The following ARHGEF1 variants were observed in gnomAD, a reference collection of about 807,000 sequenced individuals.
The protein encoded by ARHGEF1 is Rho guanine nucleotide exchange factor 1.
In ARHGEF1, 40 loss-of-function variants were observed where a neutral mutation model predicts 119.7. The observed-to-expected ratio is 0.33, with a 90% confidence interval of 0.26 to 0.44. The LOEUF is 0.44. Ranked by LOEUF, ARHGEF1 falls within the 20% of genes least tolerant of loss-of-function variation. ARHGEF1 has a pLI of 1.00. For missense variants in ARHGEF1, 976 were observed against 1,268.3 expected (o/e 0.77, Z 3.50); for synonymous variants, 494 against 521.0 (o/e 0.95, Z 0.71).
chr19:41,884,401 C>T, intron 1 of ARHGEF1: 8 of 1,591,140 alleles, frequency 5.0e-6, no homozygotes, highest in Non-Finnish European at 4.3e-6. Flanking sequence ...GCGGCTAGAG[C>T]GACGCGGCGG....
chr19:41,903,980 C>A lies in ARHGEF1; in HGVS notation c.1918-55C>A, dbSNP rs1441915740. ...ACTGCCCTGCCCTTCCCCTCCCCACCAACCCCAATCACCCCCTGCCAACCT... is the reference window on the plus strand; with the variant it reads ...ACTGCCCTGCCCTTCCCCTCCCCACAAACCCCAATCACCCCCTGCCAACCT... On this transcript the variant is annotated intron_variant, in intron 20 of 28. Transcript: ENST00000354532. The surrounding 1 kb of genome is among the most constrained non-coding windows in gnomAD (Gnocchi z 4.2). 8 of 1,555,454 alleles carry A rather than the reference C, an allele frequency of 5.1e-6. No individual in the cohort carries two copies. The highest frequency in any genetic ancestry group is 7.1e-6 in the Non-Finnish European group (8 of 1,128,468).
rs191452705 is a variant in ARHGEF1 at position 41,904,797 on chromosome 19, G to T, written c.2162-152G>T. On this transcript the variant is annotated intron_variant, in intron 22 of 28. Transcript: ENST00000354532. The surrounding 1 kb of genome is among the most constrained non-coding windows in gnomAD (Gnocchi z 8.4). Reference sequence around the variant, plus strand: ...GGTGGGGCTCAGGAGGACACATCGGGCCCTGGATATTAGCAGACAGTGAGT... The same window carrying T: ...GGTGGGGCTCAGGAGGACACATCGGTCCCTGGATATTAGCAGACAGTGAGT... The T allele has an allele frequency of 1.7e-4, 117 of 670,552 alleles. No homozygotes were observed. In the African/African-American group the frequency reaches 2.1e-3, roughly 12 times the overall value. The allele number at this position is 670,552 out of a possible 1,614,324, so 41.5% of individuals were successfully genotyped here.
chr19:41,895,323 CT>C, intron 11 of ARHGEF1, 25 bp from the exon 12 acceptor site: 8 of 1,588,668 alleles, frequency 5.0e-6, no homozygotes, highest in Non-Finnish European at 6.9e-6. Flanking sequence ...TCTTATCTCC[CT>C]CTTTCTCCCT....
intron 1 of ARHGEF1, among the ~76,000 whole-genome samples, chr19:41,886,263 T>A (rs2074292639): frequency 6.6e-6 from 1 of 152,152 alleles, no homozygotes; most frequent in Admixed American, 6.5e-5. Context: ...TTGTGTCAGC[T>A]GTCATTTCAT....
chr19:41,896,714 T>C, intron 13 of ARHGEF1: 1 of 679,574 alleles, frequency 1.5e-6, no homozygotes, highest in South Asian at 1.5e-5. Flanking sequence ...CTCTGCTCCT[T>C]CCTCTCCTTC....
chr19:41,921,850 C>G (rs997121086), upstream of ARHGEF1, among the ~76,000 whole-genome samples: 1 of 151,868 alleles, frequency 6.6e-6, no homozygotes, highest in Non-Finnish European at 1.5e-5. This position sits in a 1 kb window ranked among gnomAD's most constrained non-coding sequence, Gnocchi z 4.4. Context: ...GGGAGTCCGA[C>G]CCATCCCAGC....
intron 1 of ARHGEF1, among the ~76,000 whole-genome samples, chr19:41,884,713 C>T (rs895974734): frequency 2.0e-5 from 3 of 152,134 alleles, no homozygotes; most frequent in Non-Finnish European, 2.9e-5. Flanking sequence ...GAACTGGCTT[C>T]TTATAGACGT....
At chr19:41,923,074 G>A (rs1353563301), upstream of ARHGEF1, 6 of 450,524 alleles carry the variant, frequency 1.3e-5, no homozygotes, top group African/African-American at 4.0e-5. Context: ...TCTGACCCAG[G>A]CCTTTTGCTT....
rs1555850458 is a variant in ARHGEF1, at chr19:41,907,145, G to A, written c.*58G>A. 6.5e-7 allele frequency: 1 copy of A among 1,531,518 alleles called. No homozygotes were observed. The highest frequency in any genetic ancestry group is 8.7e-7 in the Non-Finnish European group (1 of 1,144,822). The allele number at this position is 1,531,518 out of a possible 1,614,324, so 94.9% of individuals were successfully genotyped here. On this transcript the variant is annotated 3_prime_UTR_variant, in exon 29 of 29. Coordinates refer to ENST00000354532, the MANE Select transcript of ARHGEF1 (RefSeq NM_004706.4). ...GAGAGGAATGGGGGAGAGGACGTGA[G>A]GGACCACCCCCACCCACACAGCTGC...
Position 41,906,084 on chromosome 19 carries a change from C to A in ARHGEF1, c.2491+59C>A. ...AGCCCAAACAGTGCCTCTGTTCCAA[C>A]TAGAACAAGGCTCTCCACGTCAAAA... On this transcript the variant is annotated intron_variant, in intron 26 of 28. Coordinates refer to ENST00000354532, the MANE Select transcript of ARHGEF1 (RefSeq NM_004706.4). The surrounding 1 kb of genome is among the most constrained non-coding windows in gnomAD (Gnocchi z 4.5). The A allele has an allele frequency of 6.7e-7, 1 of 1,491,064 alleles. No individual in the cohort carries two copies. Among genetic ancestry groups the A allele is most frequent in the Non-Finnish European group, 9.3e-7 (1 of 1,073,460 alleles). 92.4% of individuals were successfully genotyped at this position (1,491,064 alleles called of 1,614,324 possible).
intron 18 of ARHGEF1, among the ~76,000 whole-genome samples, chr19:41,915,901 G>A (rs969377090): frequency 2.6e-5 from 4 of 152,164 alleles, no homozygotes; most frequent in Non-Finnish European, 5.9e-5. Flanking sequence ...CAGCCCCAGT[G>A]GCTGTGGATG....
At chr19:41,926,625 G>A (rs2074871960) in intron 1 of ARHGEF1, among the ~76,000 whole-genome samples, 1 of 152,134 alleles carries the variant, frequency 6.6e-6, no homozygotes, top group South Asian at 2.1e-4. Context: ...TGGGCTAGGC[G>A]AGGCCTGGCC....
intron 18 of ARHGEF1, among the ~76,000 whole-genome samples, chr19:41,915,801 G>C: frequency 6.6e-6 from 1 of 152,110 alleles, no homozygotes; most frequent in Non-Finnish European, 1.5e-5. Context: ...ATCGCTGATC[G>C]ACTGATGGAG....
intron 18 of ARHGEF1, among the ~76,000 whole-genome samples, chr19:41,918,065 TGTG>T (rs1451531022): frequency 6.6e-6 from 1 of 151,838 alleles, no homozygotes; most frequent in Admixed American, 6.6e-5. Flanking sequence ...TCAGGGGTGA[TGTG>T]GGGTTTCCTG....
chr19:41,904,834 C>A lies in ARHGEF1; in HGVS notation c.2162-115C>A. Reference sequence around the variant, plus strand: ...AGCAGACAGTGAGTGGTGAGTTGAGCCATGGGAGCCCTGAGAGCGCCACCA... The same window carrying A: ...AGCAGACAGTGAGTGGTGAGTTGAGACATGGGAGCCCTGAGAGCGCCACCA... On this transcript the variant is annotated intron_variant, in intron 22 of 28. Coordinates refer to ENST00000354532, the MANE Select transcript of ARHGEF1 (RefSeq NM_004706.4). The surrounding 1 kb of genome is among the most constrained non-coding windows in gnomAD (Gnocchi z 8.4). 2 of 832,602 alleles carry A rather than the reference C, an allele frequency of 2.4e-6. No individual in the cohort carries two copies. Among genetic ancestry groups the A allele is most frequent in the Non-Finnish European group, 4.0e-6 (2 of 497,592 alleles). 51.6% of individuals were successfully genotyped at this position (832,602 alleles called of 1,614,324 possible).
chr19:41,909,509 G>T (rs1342885466), downstream of ARHGEF1: 3 of 1,247,762 alleles, frequency 2.4e-6, no homozygotes, highest in South Asian at 3.6e-5. The surrounding 1 kb of genome is among the most constrained non-coding windows in gnomAD (Gnocchi z 5.2). Flanking sequence ...GGTGCAGGGG[G>T]AGCCCTGGGG....
chr19:41,918,658 A>C (rs2074818717), upstream of ARHGEF1, among the ~76,000 whole-genome samples: 1 of 146,530 alleles, frequency 6.8e-6, no homozygotes, highest in African/African-American at 2.6e-5. Context: ...CACAGTACAT[A>C]CACTACCCAT....
At chr19:41,914,541 C>CGTCTTTCCCTCCCCTTCCACCATCTCT (rs2074775309) in intron 18 of ARHGEF1, among the ~76,000 whole-genome samples, 1 of 139,904 alleles carries the variant, frequency 7.1e-6, no homozygotes, top group Non-Finnish European at 1.5e-5. Context: ...CTCTGCTATC[C>CGTCTTTCCCTCCCCTTCCACCATCTCT]GTCTTTCCCT....
chr19:41,903,159 C>A lies in ARHGEF1; in HGVS notation c.1739-148C>A. On this transcript the variant is annotated intron_variant, in intron 18 of 28. Transcript: ENST00000354532. The surrounding 1 kb of genome is among the most constrained non-coding windows in gnomAD (Gnocchi z 4.2). ...CTGGCTTTGAACTCCTGGTCTCAAG[C>A]TATCCTCCCGCCTCAGCCTCCCAAA... 1 of 710,084 alleles carries A rather than the reference C, an allele frequency of 1.4e-6. No homozygotes were observed. The allele number at this position is 710,084 out of a possible 1,614,324, so 44.0% of individuals were successfully genotyped here. A position where few individuals can be genotyped will look rare whatever the true frequency, so the allele number is the denominator to read the frequency against.
Sources: gnomAD v4.1 joint callset for allele counts (sites outside exome capture counted in the v4.1 genomes callset) on GRCh38, gnomAD v4.1.1 for gene constraint, Gnocchi (gnomAD v3.1) non-coding constraint, MANE v1.5 for transcripts, NCBI Gene and HGNC (gene_info 2026-07-23, HGNC 2026-07-21) for gene names.